NCALD: variants seen among roughly 807,000 people sequenced by gnomAD.
NCALD encodes the protein neurocalcin delta.
A neutral mutation model predicts 18.6 loss-of-function variants in NCALD; 10 were observed. The observed-to-expected ratio is 0.54, with a 90% CI of 0.33 to 0.91. NCALD has a LOEUF of 0.91. Among genes scored for constraint, NCALD ranks in the 40% least tolerant of loss-of-function variants. The pLI is 0.03. For synonymous variants in NCALD, 88 were observed against 87.4 expected, an observed-to-expected ratio of 1.01 and a Z score of -0.04; for missense variants, 184 against 247.6, an observed-to-expected ratio of 0.74 and a Z score of 1.72.
At chr8:101,930,500 G>C (rs2131701730) in intron 2 of NCALD, among the ~76,000 whole-genome samples, 1 of 152,070 alleles carries the variant, frequency 6.6e-6, no homozygotes, top group South Asian at 2.1e-4. Context: ...GAGCTCCTGA[G>C]CTCACAGTGC....
chr8:101,917,845 C>T (rs55897683), intron 2 of NCALD, among the ~76,000 whole-genome samples: 7,069 of 151,944 alleles, frequency 0.047, 264 homozygotes, highest in African/African-American at 0.1. Flanking sequence ...AAAAACCCTA[C>T]CTATCAAAAA....
chr8:102,053,987 A>G (rs1028663856), intron 1 of NCALD, among the ~76,000 whole-genome samples: 10 of 152,110 alleles, frequency 6.6e-5, no homozygotes, highest in African/African-American at 2.2e-4. Context: ...TACATATGTG[A>G]TTCTTACACA....
chr8:102,044,119 AAAC>A (rs1252287605), intron 1 of NCALD, among the ~76,000 whole-genome samples: 4 of 152,078 alleles, frequency 2.6e-5, no homozygotes, highest in Non-Finnish European at 4.4e-5. Flanking sequence ...GAATATGTTA[AAAC>A]AACACTTGAA....
At chr8:101,929,557 G>A (rs1300897106) in intron 2 of NCALD, among the ~76,000 whole-genome samples, 1 of 54,808 alleles carries the variant, frequency 1.8e-5, no homozygotes, top group Non-Finnish European at 3.7e-5. Context: ...AGGGGGGAGG[G>A]AGGAAGGAAG....
chr8:101,894,621 C>A, intron 3 of NCALD, among the ~76,000 whole-genome samples: 2 of 144,896 alleles, frequency 1.4e-5, no homozygotes, highest in African/African-American at 5.6e-5. Context: ...GCTAGCAAAA[C>A]TAATAAAGAA....
chr8:101,788,062 G>C (rs564548147), intron 1 of NCALD, among the ~76,000 whole-genome samples: 12 of 152,272 alleles, frequency 7.9e-5, no homozygotes, highest in African/African-American at 2.9e-4. Flanking sequence ...GAAAATAAAA[G>C]AAAGTTACAA....
At chr8:101,758,552 C>A (rs1047095422) in intron 1 of NCALD, among the ~76,000 whole-genome samples, 2 of 152,220 alleles carry the variant, frequency 1.3e-5, no homozygotes, top group Non-Finnish European at 2.9e-5. Flanking sequence ...TGAATTATGG[C>A]AGATCCAGGA....
At chr8:102,004,785 T>A (rs1821631794) in intron 2 of NCALD, among the ~76,000 whole-genome samples, 2 of 152,110 alleles carry the variant, frequency 1.3e-5, no homozygotes, top group Admixed American at 1.3e-4. Flanking sequence ...GGGGAAAGGA[T>A]TCCCTATTTA....
intron 1 of NCALD, among the ~76,000 whole-genome samples, chr8:102,112,905 C>T (rs976397762): frequency 4.6e-5 from 7 of 152,218 alleles, no homozygotes; most frequent in Non-Finnish European, 1.0e-4. Context: ...CACTTTCCAT[C>T]ATGAATGGAA....
At chr8:101,836,995 T>C (rs1347364812) in intron 4 of NCALD, among the ~76,000 whole-genome samples, 2 of 152,218 alleles carry the variant, frequency 1.3e-5, no homozygotes, top group Admixed American at 6.5e-5. Context: ...CTATAATAAA[T>C]TTGATTTTTA....
At chr8:102,053,234 G>C (rs1823515677) in intron 1 of NCALD, among the ~76,000 whole-genome samples, 1 of 151,948 alleles carries the variant, frequency 6.6e-6, no homozygotes, top group Non-Finnish European at 1.5e-5. Flanking sequence ...AAGAAATCTT[G>C]ATTTTTTTAA....
At chr8:101,878,513 G>A (rs941431380) in intron 4 of NCALD, among the ~76,000 whole-genome samples, 2 of 152,184 alleles carry the variant, frequency 1.3e-5, no homozygotes, top group Middle Eastern at 3.2e-3. Flanking sequence ...ATACAGTCTT[G>A]CTATTTAAGA....
chr8:102,105,065 A>C (rs1339851878), intron 1 of NCALD, among the ~76,000 whole-genome samples: 1 of 152,344 alleles, frequency 6.6e-6, no homozygotes, highest in East Asian at 1.9e-4. Context: ...CACAGAGCCA[A>C]GAGATAGATT....
At chr8:101,804,226 AAAT>A (rs900790288) in intron 4 of NCALD, among the ~76,000 whole-genome samples, 12 of 149,544 alleles carry the variant, frequency 8.0e-5, no homozygotes, top group African/African-American at 2.7e-4. Flanking sequence ...CAATTTTAGA[AAAT>A]AATATTTTAT....
intron 1 of NCALD, among the ~76,000 whole-genome samples, chr8:101,727,297 T>C (rs1816614127): frequency 6.6e-6 from 1 of 152,182 alleles, no homozygotes; most frequent in African/African-American, 2.4e-5. Flanking sequence ...ATTCACTTCT[T>C]GCCGTTTCCA....
At chr8:101,875,272 C>T (rs1344272475) in intron 4 of NCALD, among the ~76,000 whole-genome samples, 1 of 152,220 alleles carries the variant, frequency 6.6e-6, no homozygotes, top group Non-Finnish European at 1.5e-5. Flanking sequence ...GGATGCTGGA[C>T]TCCAAAGTCC....
At chr8:101,894,109 G>A (rs1410844290) in intron 3 of NCALD, among the ~76,000 whole-genome samples, 7 of 144,692 alleles carry the variant, frequency 4.8e-5, no homozygotes, top group Admixed American at 2.0e-4. Context: ...CACATACTTG[G>A]AAGTAAAGCT....
chr8:101,700,484 T>C (rs10110928), intron 2 of NCALD, among the ~76,000 whole-genome samples: 2,897 of 152,312 alleles, frequency 0.019, 37 homozygotes, highest in Non-Finnish European at 0.03. Flanking sequence ...AATGCCTTGA[T>C]AGCTGTTATG....
chr8:101,759,322 T>C (rs1278062378), intron 1 of NCALD, among the ~76,000 whole-genome samples: 1 of 152,028 alleles, frequency 6.6e-6, no homozygotes, highest in Non-Finnish European at 1.5e-5. Context: ...GCCAGAAAGT[T>C]GTCAGTGTCT....
Sources: allele counts gnomAD v4.1 joint callset (sites outside exome capture counted in the v4.1 genomes callset), GRCh38; gene constraint gnomAD v4.1.1; transcripts MANE v1.5; gene names NCBI Gene and HGNC (gene_info 2026-07-23, HGNC 2026-07-21).